GPHN: variants seen among roughly 807,000 people sequenced by gnomAD.
GPHN encodes the protein gephyrin.
Under a neutral mutation model 95.5 loss-of-function variants are expected in GPHN, and 17 were observed. The observed-to-expected ratio is 0.18, with a 90% CI of 0.12 to 0.27. The LOEUF (loss-of-function observed/expected upper bound fraction) is 0.27. Among genes scored for constraint, GPHN ranks in the 10% least tolerant of loss-of-function variants. The pLI is 1.00. For synonymous variants in GPHN, 320 were observed against 322.5 expected (o/e 0.99, Z 0.08); for missense variants, 660 against 978.1 (o/e 0.67, Z 4.34).
At chr14:66,842,712 AAG>A in intron 4 of GPHN, 1 of 1,533,010 alleles carries the variant, frequency 6.5e-7, no homozygotes, top group African/African-American at 1.4e-5. Flanking sequence ...GGGCTCCAGA[AAG>A]GGGTAAGCGA....
the GPHN span, chr14:67,692,759 T>C: frequency 1.1e-6 from 1 of 874,922 alleles, no homozygotes; most frequent in East Asian, 2.7e-5. Context: ...ATTAATAATA[T>C]TCATTAAGGG....
At chr14:67,093,499 C>A (rs1279511090) in intron 12 of GPHN, among the ~76,000 whole-genome samples, 1 of 151,996 alleles carries the variant, frequency 6.6e-6, no homozygotes, top group East Asian at 1.9e-4. Flanking sequence ...TTGCCCTCTA[C>A]TATAGGATAC....
chr14:67,339,283 C>T, the GPHN span, among the ~76,000 whole-genome samples: 15 of 152,250 alleles, frequency 9.9e-5, no homozygotes, highest in African/African-American at 3.6e-4. Context: ...AGGCATGAGC[C>T]ACCGAGCCCA....
At chr14:67,595,589 G>A in the GPHN span, among the ~76,000 whole-genome samples, 1 of 152,164 alleles carries the variant, frequency 6.6e-6, no homozygotes, top group Non-Finnish European at 1.5e-5. Context: ...ACACAACTCT[G>A]GCCAATGAAA....
chr14:66,561,433 T>G (rs2060237691), intron 1 of GPHN, among the ~76,000 whole-genome samples: 2 of 152,184 alleles, frequency 1.3e-5, no homozygotes, highest in Non-Finnish European at 2.9e-5. Flanking sequence ...TATTGGTCTA[T>G]TCTGTATTCT....
intron 2 of GPHN, among the ~76,000 whole-genome samples, chr14:66,723,929 T>C (rs1266674983): frequency 1.3e-5 from 2 of 151,896 alleles, no homozygotes; most frequent in Non-Finnish European, 2.9e-5. Context: ...TGGAGCCCTT[T>C]TGTATAATTT....
the GPHN span, chr14:67,320,990 A>G: frequency 6.1e-6 from 8 of 1,311,870 alleles, no homozygotes; most frequent in South Asian, 6.0e-5. Flanking sequence ...CTTTCTGACT[A>G]GCAGAATTAT....
chr14:67,167,653 A>G (rs1399895707), intron 20 of GPHN, among the ~76,000 whole-genome samples: 3 of 152,188 alleles, frequency 2.0e-5, no homozygotes, highest in African/African-American at 2.4e-5. Flanking sequence ...AGCCATGCCA[A>G]GGGAACCTAA....
At chr14:66,958,559 T>C (rs1281585558) in intron 8 of GPHN, among the ~76,000 whole-genome samples, 1 of 152,228 alleles carries the variant, frequency 6.6e-6, no homozygotes, top group East Asian at 1.9e-4. Context: ...TAGCCTGTTG[T>C]TCCTAGTCCT....
chr14:67,258,541 C>T, the GPHN span, among the ~76,000 whole-genome samples: 1 of 152,162 alleles, frequency 6.6e-6, no homozygotes. Flanking sequence ...CTTGCCTCAG[C>T]TTCCCAAGTA....
At chr14:66,935,669 C>T (rs1036021578) in intron 8 of GPHN, among the ~76,000 whole-genome samples, 3 of 151,216 alleles carry the variant, frequency 2.0e-5, no homozygotes, top group South Asian at 2.1e-4. Context: ...TTTATGTATA[C>T]GTATACATGT....
intron 1 of GPHN, among the ~76,000 whole-genome samples, chr14:66,667,103 A>G (rs1401414923): frequency 1.3e-5 from 2 of 152,220 alleles, no homozygotes; most frequent in African/African-American, 4.8e-5. Context: ...CTCTGCAAGG[A>G]GAACTATAAA....
intron 1 of GPHN, among the ~76,000 whole-genome samples, chr14:66,545,582 G>A (rs1594900769): frequency 1.7e-5 from 2 of 117,078 alleles, no homozygotes; most frequent in Admixed American, 8.4e-5. Flanking sequence ...CCTCCCTCCC[G>A]GACGGGGCGG....
chr14:67,594,689 C>G, the GPHN span, among the ~76,000 whole-genome samples: 29 of 151,966 alleles, frequency 1.9e-4, no homozygotes, highest in African/African-American at 7.0e-4. Flanking sequence ...TTCACACTCC[C>G]TCAGCAGAAT....
At chr14:67,116,580 G>A (rs773493247) in intron 16 of GPHN, among the ~76,000 whole-genome samples, 6 of 152,130 alleles carry the variant, frequency 3.9e-5, no homozygotes, top group East Asian at 1.9e-4. Flanking sequence ...AAAGAGTCTC[G>A]CCATTTTGCC....
At chr14:66,960,301 A>C (rs2068808308) in intron 8 of GPHN, among the ~76,000 whole-genome samples, 1 of 134,270 alleles carries the variant, frequency 7.4e-6, no homozygotes. Context: ...TTCCCTGTGT[A>C]CAGGTTATAC....
At chr14:66,818,350 G>A (rs1407183658) in intron 3 of GPHN, among the ~76,000 whole-genome samples, 2 of 152,086 alleles carry the variant, frequency 1.3e-5, no homozygotes, top group Non-Finnish European at 2.9e-5. Flanking sequence ...ACAACAAGTG[G>A]TATTTGGCTT....
chr14:67,123,673 C>A, intron 17 of GPHN, among the ~76,000 whole-genome samples: 1 of 152,158 alleles, frequency 6.6e-6, no homozygotes, highest in Non-Finnish European at 1.5e-5. Flanking sequence ...GAGACTCTGT[C>A]TCAAAAAATA....
chr14:67,095,014 G>A (rs991030164), intron 12 of GPHN, among the ~76,000 whole-genome samples: 2 of 152,180 alleles, frequency 1.3e-5, no homozygotes, highest in Non-Finnish European at 2.9e-5. Flanking sequence ...AGTACACTCT[G>A]TGATGATGTT....
Sources: allele counts gnomAD v4.1 joint callset (sites outside exome capture counted in the v4.1 genomes callset), GRCh38; gene constraint gnomAD v4.1.1; transcripts MANE v1.5; gene names NCBI Gene and HGNC (gene_info 2026-07-23, HGNC 2026-07-21).